AIG1: variants seen among roughly 807,000 people sequenced by gnomAD.
The protein encoded by AIG1 is androgen-induced gene 1 protein.
In AIG1, 23 loss-of-function variants were observed where a neutral mutation model predicts 31.4. The observed-to-expected ratio is 0.73, with a 90% CI of 0.53 to 1.04. The LOEUF (loss-of-function observed/expected upper bound fraction) is 1.04, where lower values mean the gene tolerates loss of function less well. Ranked by LOEUF, AIG1 falls within the 50% of genes least tolerant of loss-of-function variation. AIG1 has a pLI of 0.00. For missense variants in AIG1, 274 were observed against 295.0 expected, an observed-to-expected ratio of 0.93 and a Z score of 0.52; for synonymous variants, 100 against 110.5, an observed-to-expected ratio of 0.90 and a Z score of 0.60.
chr6:143,068,828 A>T (rs1776974353), intron 1 of AIG1, among the ~76,000 whole-genome samples: 1 of 152,210 alleles, frequency 6.6e-6, no homozygotes. Context: ...ATGTAGTCAG[A>T]TATCAGAAAA....
chr6:143,155,943 A>G (rs1785702255), intron 2 of AIG1, among the ~76,000 whole-genome samples: 1 of 152,186 alleles, frequency 6.6e-6, no homozygotes, highest in African/African-American at 2.4e-5. Context: ...AGATGGAGTT[A>G]AAGAGAACTG....
chr6:143,149,676 C>T (rs1446115802), intron 2 of AIG1, among the ~76,000 whole-genome samples: 2 of 151,854 alleles, frequency 1.3e-5, no homozygotes, highest in African/African-American at 4.8e-5. Context: ...CTTTGATACA[C>T]TGTTTCACAC....
intron 1 of AIG1, among the ~76,000 whole-genome samples, chr6:143,074,393 C>A (rs999803671): frequency 6.6e-6 from 1 of 152,082 alleles, no homozygotes. Flanking sequence ...ACATTGATGT[C>A]GATTATGCAT....
At chr6:143,248,311 C>T (rs1323237849) in intron 3 of AIG1, among the ~76,000 whole-genome samples, 2 of 152,124 alleles carry the variant, frequency 1.3e-5, no homozygotes, top group African/African-American at 2.4e-5. Flanking sequence ...GCATAGAGTA[C>T]GTCACAATGG....
intron 3 of AIG1, among the ~76,000 whole-genome samples, chr6:143,272,470 A>G (rs1399664676): frequency 2.6e-5 from 4 of 152,208 alleles, no homozygotes; most frequent in Non-Finnish European, 5.9e-5. Flanking sequence ...GAGTGAACAC[A>G]CACCAGCTTT....
intron 1 of AIG1, among the ~76,000 whole-genome samples, chr6:143,079,512 G>A (rs1026644700): frequency 6.6e-6 from 1 of 152,164 alleles, no homozygotes; most frequent in Non-Finnish European, 1.5e-5. Context: ...ACTCTGTTCA[G>A]AGTTCTTAGT....
intron 1 of AIG1, among the ~76,000 whole-genome samples, chr6:143,062,529 A>G (rs1397016829): frequency 6.6e-6 from 1 of 152,172 alleles, no homozygotes; most frequent in Non-Finnish European, 1.5e-5. Context: ...ATTTGATTGA[A>G]CAACAATGTC....
intron 1 of AIG1, among the ~76,000 whole-genome samples, chr6:143,086,355 CTT>C (rs34186422): frequency 6.6e-6 from 1 of 151,868 alleles, no homozygotes; most frequent in East Asian, 1.9e-4. Context: ...TTCTATCTCT[CTT>C]TTTCTCTCTT....
intron 3 of AIG1, among the ~76,000 whole-genome samples, chr6:143,259,478 A>T (rs1042593570): frequency 6.6e-6 from 1 of 152,136 alleles, no homozygotes; most frequent in African/African-American, 2.4e-5. Context: ...CCATCTAGCC[A>T]TTAAACATGG....
intron 1 of AIG1, among the ~76,000 whole-genome samples, chr6:143,133,160 T>G (rs1783412587): frequency 6.6e-6 from 1 of 152,172 alleles, no homozygotes; most frequent in African/African-American, 2.4e-5. Flanking sequence ...GTTGTCTTCC[T>G]TTAAATAAAG....
chr6:143,332,310 G>A (rs1000442033), intron 4 of AIG1, among the ~76,000 whole-genome samples: 7 of 152,078 alleles, frequency 4.6e-5, no homozygotes, highest in African/African-American at 9.7e-5. Flanking sequence ...CTTCACAATT[G>A]CCAACAGTTT....
downstream of AIG1, chr6:143,342,454 G>A: frequency 5.2e-6 from 4 of 771,912 alleles, no homozygotes; most frequent in Non-Finnish European, 9.6e-6. Context: ...ACGGCAACAA[G>A]TGGTGAAGCA....
chr6:143,216,071 A>G (rs529136849), intron 3 of AIG1, among the ~76,000 whole-genome samples: 15 of 151,916 alleles, frequency 9.9e-5, no homozygotes, highest in African/African-American at 2.7e-4. Flanking sequence ...TCCTTGTGAT[A>G]TATATAGCTA....
intron 1 of AIG1, among the ~76,000 whole-genome samples, chr6:143,135,698 A>G (rs1039207678): frequency 2.6e-5 from 4 of 152,174 alleles, no homozygotes; most frequent in African/African-American, 9.6e-5. Context: ...AAGTGATGGA[A>G]CTAAATACTT....
At chr6:143,343,353 G>GC (rs941492160), downstream of AIG1, 18 of 586,572 alleles carry the variant, frequency 3.1e-5, no homozygotes, top group Admixed American at 3.8e-5. Flanking sequence ...GAGGACTAAT[G>GC]CCCCCCCAAA....
chr6:143,205,172 T>C (rs1243028034), intron 3 of AIG1, among the ~76,000 whole-genome samples: 1 of 152,232 alleles, frequency 6.6e-6, no homozygotes, highest in Non-Finnish European at 1.5e-5. Context: ...TGTCCATCTA[T>C]GTGCCTTATT....
chr6:143,128,056 TTA>T lies in AIG1; in HGVS notation c.142-8773_142-8772del, dbSNP rs202128973. 8.3e-3 allele frequency among the ~76,000 whole-genome samples: 1,263 copies of T among 152,268 alleles called. 19 individuals carry two copies. Among genetic ancestry groups the T allele is most frequent in the African/African-American group, 0.026 (1,100 of 41,542 alleles). On this transcript the variant is annotated intron_variant, in intron 1 of 5. Coordinates refer to ENST00000357847, the MANE Select transcript of AIG1 (RefSeq NM_016108.4). ...TGAAATAAAAGCAATTCTGGATAAA[TTA>T]TATATGTTTTAGGAATAAATGGTAG...
intron 1 of AIG1, 24 bp from the exon 2 acceptor site, chr6:143,136,811 A>T: frequency 7.4e-7 from 1 of 1,350,464 alleles, no homozygotes; most frequent in Non-Finnish European, 9.6e-7. Flanking sequence ...TTAATGACTC[A>T]TACCGGCTGT....
At chr6:143,067,636 T>G (rs1189249818) in intron 1 of AIG1, among the ~76,000 whole-genome samples, 5 of 152,242 alleles carry the variant, frequency 3.3e-5, no homozygotes, top group Non-Finnish European at 7.3e-5. Context: ...AACATATTCT[T>G]GTCTCTAGTT....
Sources: allele counts gnomAD v4.1 joint callset (sites outside exome capture counted in the v4.1 genomes callset), GRCh38; gene constraint gnomAD v4.1.1; transcripts MANE v1.5; gene names NCBI Gene and HGNC (gene_info 2026-07-23, HGNC 2026-07-21).